The following FRYL variants were observed in gnomAD, a reference collection of about 807,000 sequenced individuals.
FRYL encodes FRY like transcription coactivator.
FRYL carries 150 observed loss-of-function variants against 351.2 expected under a neutral mutation model. The observed-to-expected ratio is 0.43, with a 90% CI of 0.37 to 0.49. The LOEUF is 0.49. FRYL is among the 20% of genes least tolerant of loss of function. The pLI is 0.00. For missense variants in FRYL, 3,036 were observed against 3,619.3 expected, an observed-to-expected ratio of 0.84 and a Z score of 4.13; for synonymous variants, 1,153 against 1,257.1, an observed-to-expected ratio of 0.92 and a Z score of 1.75.
intron 1 of FRYL, among the ~76,000 whole-genome samples, chr4:48,748,639 G>GA (rs942392922): frequency 2.0e-5 from 3 of 151,698 alleles, no homozygotes; most frequent in Non-Finnish European, 2.9e-5. Flanking sequence ...CACATAAAAA[G>GA]AAAAAAAATA....
intron 26 of FRYL, 55 bp from the exon 27 acceptor site, chr4:48,570,973 G>T: frequency 7.2e-7 from 1 of 1,380,098 alleles, no homozygotes; most frequent in Non-Finnish European, 1.0e-6. Flanking sequence ...AACTTGGAAA[G>T]AATAATGTGA....
intron 3 of FRYL, among the ~76,000 whole-genome samples, chr4:48,678,594 T>G (rs1764145935): frequency 6.7e-6 from 1 of 149,942 alleles, no homozygotes; most frequent in Non-Finnish European, 1.5e-5. Context: ...TAAAACCAAA[T>G]CTCTCTACAT....
chr4:48,682,795 T>C (rs564169667), intron 3 of FRYL, among the ~76,000 whole-genome samples: 4 of 152,182 alleles, frequency 2.6e-5, no homozygotes, highest in South Asian at 2.1e-4. Flanking sequence ...TATAGAGAAA[T>C]AGAAATGCTT....
At chr4:48,556,947 A>G (rs1212090735) in intron 35 of FRYL, 31 bp downstream of exon 35, 6 of 1,506,646 alleles carry the variant, frequency 4.0e-6, no homozygotes, top group South Asian at 2.6e-5. Flanking sequence ...ATATACATAT[A>G]TTTTAAAATT....
chr4:48,648,995 A>T (rs1277422982), intron 3 of FRYL, among the ~76,000 whole-genome samples: 1 of 152,226 alleles, frequency 6.6e-6, no homozygotes, highest in Non-Finnish European at 1.5e-5. Flanking sequence ...TGCTACTTTG[A>T]AAAACAGCAA....
chr4:48,653,756 C>T (rs1461113816), intron 3 of FRYL: 16 of 1,290,260 alleles, frequency 1.2e-5, no homozygotes, highest in Non-Finnish European at 1.6e-5. Context: ...ATGCTAATTT[C>T]AAAAAACACA....
intron 7 of FRYL, among the ~76,000 whole-genome samples, chr4:48,616,402 A>G (rs1749438980): frequency 6.6e-6 from 1 of 152,208 alleles, no homozygotes; most frequent in Admixed American, 6.5e-5. Context: ...AATAGATAAT[A>G]TGTATTGAGG....
chr4:48,620,560 C>A, intron 6 of FRYL, 79 bp downstream of exon 6: 1 of 1,419,092 alleles, frequency 7.0e-7, no homozygotes, highest in South Asian at 1.3e-5. Context: ...CAAACAATAA[C>A]AACCTTCAGT....
chr4:48,542,636 G>A (rs903723225), intron 44 of FRYL, among the ~76,000 whole-genome samples: 1 of 152,130 alleles, frequency 6.6e-6, no homozygotes, highest in African/African-American at 2.4e-5. Flanking sequence ...GGGTGGTCTC[G>A]AACTCTTGAT....
At chr4:48,585,747 T>C (rs537131412) in intron 19 of FRYL, among the ~76,000 whole-genome samples, 2 of 152,362 alleles carry the variant, frequency 1.3e-5, no homozygotes, top group South Asian at 2.1e-4. Context: ...GATAATCTAG[T>C]GCATTCAAAT....
In FRYL at chr4:48,535,706, T is replaced by C. The variant is rs200196086; in HGVS notation, c.6515A>G (p.His2172Arg). ...NWINVVCRYL[H>R]DSFSDTTFNL... Reference sequence around the variant, plus strand: ...AAATGTTGTATCTGAGAAGGAGTCATGCAGGTATCTGCACACGACATTGAT... The same window carrying C: ...AAATGTTGTATCTGAGAAGGAGTCACGCAGGTATCTGCACACGACATTGAT... Residue 2172 changes from histidine (H) to arginine (R), a missense_variant, in exon 48 of 64, where the codon CAT becomes CGT. His to Arg is a conservative substitution (Grantham distance 29). Transcript: ENST00000358350. The C allele has an allele frequency of 6.2e-5, 100 of 1,607,190 alleles. No homozygotes were observed. Among genetic ancestry groups the C allele is most frequent in the Non-Finnish European group, 8.2e-5 (96 of 1,176,696 alleles).
At chr4:48,637,056 T>C (rs533314599) in intron 3 of FRYL, 1 of 152,120 alleles carries the variant, frequency 6.6e-6, no homozygotes, top group African/African-American at 2.4e-5. Context: ...GGAAAAAATA[T>C]GTGGGCATAT....
intron 53 of FRYL, among the ~76,000 whole-genome samples, chr4:48,526,015 G>C (rs1577945104): frequency 6.6e-6 from 1 of 152,034 alleles, no homozygotes; most frequent in Non-Finnish European, 1.5e-5. Context: ...GCTGATGAAT[G>C]TGTATGAGCT....
At chr4:48,727,946 G>A (rs911467410) in intron 1 of FRYL, among the ~76,000 whole-genome samples, 4 of 152,130 alleles carry the variant, frequency 2.6e-5, no homozygotes, top group Non-Finnish European at 5.9e-5. Flanking sequence ...CACTTGTGAA[G>A]CTGATAATCC....
At chr4:48,658,775 A>C (rs1759810968) in intron 3 of FRYL, among the ~76,000 whole-genome samples, 1 of 150,910 alleles carries the variant, frequency 6.6e-6, no homozygotes, top group Non-Finnish European at 1.5e-5. Context: ...TAAATAAATA[A>C]GAAAATCAAG....
chr4:48,731,091 C>T (rs1423072105), intron 1 of FRYL, among the ~76,000 whole-genome samples: 1 of 151,616 alleles, frequency 6.6e-6, no homozygotes, highest in East Asian at 1.9e-4. Flanking sequence ...ATAAAACAGA[C>T]TTTAAACCAA....
intron 52 of FRYL, 130 bp downstream of exon 52, chr4:48,527,841 A>C: frequency 1.0e-6 from 1 of 983,206 alleles, no homozygotes; most frequent in Non-Finnish European, 1.5e-6. Context: ...AGAGATAAGA[A>C]ATCTTTTTTT....
chr4:48,581,507 G>C lies in FRYL; in HGVS notation c.2085C>G (p.Leu695=), dbSNP rs1205885969. The change falls in exon 21 of 64, where the codon CTC becomes CTG. Residue 695 remains leucine, a synonymous_variant. Transcript: ENST00000358350. ...HVVEGFALVI[L]CSSRPATRRL... Reference sequence around the variant, plus strand: ...TCCTAGTGGCAGGTCGACTGCTACAGAGAATGACAAGCGCAAAGCCTTCAA... The same window carrying C: ...TCCTAGTGGCAGGTCGACTGCTACACAGAATGACAAGCGCAAAGCCTTCAA... 1 of 1,614,070 alleles carries C rather than the reference G, an allele frequency of 6.2e-7. No homozygotes were observed. The highest frequency in any genetic ancestry group is 8.5e-7 in the Non-Finnish European group (1 of 1,179,974).
intron 54 of FRYL, among the ~76,000 whole-genome samples, chr4:48,521,660 G>A (rs1193076646): frequency 6.6e-6 from 1 of 152,182 alleles, no homozygotes; most frequent in African/African-American, 2.4e-5. Flanking sequence ...AACCATACTT[G>A]CCTTGTGTTA....
Sources: gnomAD v4.1 joint callset for allele counts (sites outside exome capture counted in the v4.1 genomes callset) on GRCh38, gnomAD v4.1.1 for gene constraint, MANE v1.5 for transcripts, NCBI Gene and HGNC (gene_info 2026-07-23, HGNC 2026-07-21) for gene names.